ROBO1: variants seen among roughly 807,000 people sequenced by gnomAD.
The protein encoded by ROBO1 is roundabout homolog 1.
ROBO1 carries 149 observed loss-of-function variants against 195.9 expected under a neutral mutation model. That is an observed-to-expected ratio of 0.76 (90% CI 0.67 to 0.87). The LOEUF is 0.87. ROBO1 is among the 40% of genes least tolerant of loss of function. The probability of loss-of-function intolerance (pLI) is 0.00; values close to 1 mark genes in which losing one functional copy is unlikely to be tolerated. For missense variants in ROBO1, 1,933 were observed against 2,068.3 expected (o/e 0.93, Z 1.27); for synonymous variants, 816 against 733.2 (o/e 1.11, Z -1.82).
intron 2 of ROBO1, among the ~76,000 whole-genome samples, chr3:79,586,375 A>G (rs1943830510): frequency 6.6e-6 from 1 of 151,816 alleles, no homozygotes; most frequent in Admixed American, 6.6e-5. Flanking sequence ...TGGTCAATGG[A>G]TGGGTGGGGC....
chr3:79,511,689 G>C (rs1338136503), intron 2 of ROBO1, among the ~76,000 whole-genome samples: 1 of 152,118 alleles, frequency 6.6e-6, no homozygotes, highest in African/African-American at 2.4e-5. Context: ...ATCAATGATA[G>C]ACTAAGTAAA....
intron 2 of ROBO1, among the ~76,000 whole-genome samples, chr3:79,463,917 A>C (rs1937800505): frequency 6.6e-6 from 1 of 152,210 alleles, no homozygotes; most frequent in Admixed American, 6.5e-5. Context: ...CAAACTCATT[A>C]ACACTCATTG....
chr3:79,669,149 G>C (rs907328244), intron 1 of ROBO1, among the ~76,000 whole-genome samples: 3 of 151,772 alleles, frequency 2.0e-5, no homozygotes, highest in Non-Finnish European at 4.4e-5. Context: ...CATGGGAGCG[G>C]GTCTTTCCCA....
chr3:79,182,060 A>G (rs1479524633), intron 2 of ROBO1, among the ~76,000 whole-genome samples: 1 of 151,894 alleles, frequency 6.6e-6, no homozygotes, highest in Non-Finnish European at 1.5e-5. Context: ...CCTGTATGCT[A>G]GGATATATTA....
At chr3:79,145,816 C>G (rs981243927) in intron 2 of ROBO1, among the ~76,000 whole-genome samples, 4 of 151,890 alleles carry the variant, frequency 2.6e-5, no homozygotes, top group African/African-American at 9.7e-5. Context: ...AAAAACAGCA[C>G]AGTAAAATAA....
At chr3:79,475,948 T>C (rs1306535121) in intron 2 of ROBO1, among the ~76,000 whole-genome samples, 2 of 152,042 alleles carry the variant, frequency 1.3e-5, no homozygotes, top group African/African-American at 4.8e-5. Context: ...ATCTCCTTTT[T>C]GGAATGTTAT....
chr3:78,747,674 T>C (rs945930530), intron 4 of ROBO1, among the ~76,000 whole-genome samples: 2 of 152,162 alleles, frequency 1.3e-5, no homozygotes, highest in African/African-American at 4.8e-5. Flanking sequence ...ATTAGTCCCA[T>C]ACTGTGGAGG....
At chr3:79,477,397 T>A (rs1575881965) in intron 2 of ROBO1, among the ~76,000 whole-genome samples, 1 of 152,160 alleles carries the variant, frequency 6.6e-6, no homozygotes, top group East Asian at 1.9e-4. Context: ...AGCTTGTAAA[T>A]CTCTCAAGTT....
At chr3:79,072,664 T>G (rs2079108801) in intron 3 of ROBO1, among the ~76,000 whole-genome samples, 1 of 152,000 alleles carries the variant, frequency 6.6e-6, no homozygotes, top group Non-Finnish European at 1.5e-5. Flanking sequence ...CAATTATTAT[T>G]GGCTTAAGCC....
intron 4 of ROBO1, among the ~76,000 whole-genome samples, chr3:78,899,452 G>C (rs2037451843): frequency 6.6e-6 from 1 of 152,140 alleles, no homozygotes; most frequent in South Asian, 2.1e-4. Flanking sequence ...AGGATGCATG[G>C]TTATGCCACA....
At chr3:79,423,626 C>T (rs527599546) in intron 2 of ROBO1, among the ~76,000 whole-genome samples, 2 of 151,912 alleles carry the variant, frequency 1.3e-5, no homozygotes, top group Non-Finnish European at 2.9e-5. Flanking sequence ...TTTTTTTTGG[C>T]TCAATTGACT....
At chr3:78,790,298 T>C (rs1269294335) in intron 4 of ROBO1, among the ~76,000 whole-genome samples, 2 of 152,176 alleles carry the variant, frequency 1.3e-5, no homozygotes, top group African/African-American at 4.8e-5. Flanking sequence ...TTTTGGTCCA[T>C]TGCTTTCATT....
intron 3 of ROBO1, among the ~76,000 whole-genome samples, chr3:79,089,610 G>T (rs945169415): frequency 6.6e-6 from 1 of 152,070 alleles, no homozygotes; most frequent in African/African-American, 2.4e-5. Flanking sequence ...ATAATTATCA[G>T]CCTGTTTACC....
intron 1 of ROBO1, among the ~76,000 whole-genome samples, chr3:79,719,370 A>G (rs1702610506): frequency 6.6e-6 from 1 of 152,134 alleles, no homozygotes; most frequent in African/African-American, 2.4e-5. Flanking sequence ...TAAAATTATT[A>G]AATCTCTCTG....
At chr3:78,970,752 G>A (rs1289474237) in intron 3 of ROBO1, among the ~76,000 whole-genome samples, 1 of 152,032 alleles carries the variant, frequency 6.6e-6, no homozygotes, top group East Asian at 1.9e-4. Flanking sequence ...CACAAGAAAT[G>A]GATGCTTTTA....
chr3:79,107,146 C>G (rs2079799155), intron 3 of ROBO1, among the ~76,000 whole-genome samples: 1 of 151,278 alleles, frequency 6.6e-6, no homozygotes, highest in Admixed American at 6.6e-5. Context: ...CACACACACA[C>G]ACACACACAC....
intron 2 of ROBO1, among the ~76,000 whole-genome samples, chr3:79,170,086 C>A (rs1242917222): frequency 6.6e-6 from 1 of 152,066 alleles, no homozygotes; most frequent in Non-Finnish European, 1.5e-5. Context: ...AGTGCAAGGC[C>A]TGGGTCTTAG....
intron 2 of ROBO1, among the ~76,000 whole-genome samples, chr3:79,395,279 G>C (rs574884989): frequency 1.5e-5 from 2 of 131,504 alleles, no homozygotes; most frequent in East Asian, 4.5e-4. Context: ...CCGAGATCCC[G>C]CCACTGTACT....
chr3:79,081,508 A>G (rs2079274481), intron 3 of ROBO1, among the ~76,000 whole-genome samples: 1 of 152,162 alleles, frequency 6.6e-6, no homozygotes, highest in Non-Finnish European at 1.5e-5. Context: ...TTGAGGGAGA[A>G]GGTTACTTAA....
Sources: gnomAD v4.1 joint callset for allele counts (sites outside exome capture counted in the v4.1 genomes callset) on GRCh38, gnomAD v4.1.1 for gene constraint, MANE v1.5 for transcripts, NCBI Gene and HGNC (gene_info 2026-07-23, HGNC 2026-07-21) for gene names.